RBM6: variants seen among roughly 807,000 people sequenced by gnomAD.
RBM6 encodes the protein RNA binding motif protein 6.
RBM6 carries 23 observed loss-of-function variants against 140.4 expected under a neutral mutation model. The ratio of observed to expected loss-of-function variants is 0.16; its 90% CI spans 0.12 to 0.23. The LOEUF (loss-of-function observed/expected upper bound fraction) is 0.23, where lower values mean the gene tolerates loss of function less well. RBM6 is among the 10% of genes least tolerant of loss of function. RBM6 has a pLI of 1.00. For synonymous variants in RBM6, 439 were observed against 475.6 expected, an observed-to-expected ratio of 0.92 and a Z score of 1.00; for missense variants, 1,139 against 1,386.7, an observed-to-expected ratio of 0.82 and a Z score of 2.84.
At chr3:49,954,860 A>C (rs1292833107) in intron 1 of RBM6, among the ~76,000 whole-genome samples, 1 of 148,906 alleles carries the variant, frequency 6.7e-6, no homozygotes, top group Non-Finnish European at 1.5e-5. Context: ...CCAGGTTCAC[A>C]CCATTCTCCT....
rs191422451 is a variant in RBM6, at chr3:50,017,971, T to C, written c.1557+18458T>C. On this transcript the variant is annotated intron_variant, in intron 6 of 20. Transcript: ENST00000266022. The stretch of plus-strand genomic sequence containing the variant: ...ATCCCTGCCACCCTTCTCCCAACAT[T>C]ACATACACAGCCTCCCCAACTATCA... Among the ~76,000 whole-genome samples the C allele has an allele frequency of 1.9e-3, 293 of 152,292 alleles. 3 individuals carry two copies. Among genetic ancestry groups the C allele is most frequent in the African/African-American group, 6.4e-3 (268 of 41,562 alleles).
chr3:50,004,310 C>CA (rs56655270), intron 6 of RBM6, among the ~76,000 whole-genome samples: 4 of 139,152 alleles, frequency 2.9e-5, no homozygotes, highest in South Asian at 2.3e-4. Context: ...CTCCCCTCCC[C>CA]CCCCTCCCCT....
chr3:50,039,364 C>T (rs552761275), intron 6 of RBM6, among the ~76,000 whole-genome samples: 41 of 152,194 alleles, frequency 2.7e-4, no homozygotes, highest in Admixed American at 1.0e-3. Flanking sequence ...CTCAGCCTCC[C>T]GAGTAGCTGG....
In RBM6 at chr3:50,062,112, A is replaced by G; in HGVS notation, c.2586+4A>G. ...AAAAGACAGAGGAGTGACGAGGGTA[A>G]GAGGAATTGTTAATTTGCTGTCTTT... On this transcript the variant is annotated splice_donor_region_variant and intron_variant, in intron 15 of 20. Transcript: ENST00000266022. 6.2e-7 allele frequency: 1 copy of G among 1,610,972 alleles called. No individual in the cohort carries two copies. The highest frequency in any genetic ancestry group is 8.5e-7 in the Non-Finnish European group (1 of 1,178,744).
At chr3:50,016,824 G>GTTTTTT (rs71080567) in intron 6 of RBM6, among the ~76,000 whole-genome samples, 3 of 86,052 alleles carry the variant, frequency 3.5e-5, no homozygotes, top group African/African-American at 7.6e-5. Flanking sequence ...CATGCCTAGC[G>GTTTTTT]TTTTTTTTTT....
At chr3:49,949,074 T>A (rs931289824) in intron 1 of RBM6, among the ~76,000 whole-genome samples, 1 of 151,456 alleles carries the variant, frequency 6.6e-6, no homozygotes, top group African/African-American at 2.4e-5. Context: ...TGTGATCCGC[T>A]GGCCTCAGCC....
At chr3:49,951,448 G>A (rs558603277) in intron 1 of RBM6, among the ~76,000 whole-genome samples, 2 of 151,858 alleles carry the variant, frequency 1.3e-5, no homozygotes, top group Admixed American at 6.6e-5. Flanking sequence ...GGCTGGTCTC[G>A]AACTCCTGAG....
At chr3:50,033,881 C>G (rs1277436701) in intron 6 of RBM6, among the ~76,000 whole-genome samples, 1 of 152,016 alleles carries the variant, frequency 6.6e-6, no homozygotes, top group Non-Finnish European at 1.5e-5. Flanking sequence ...ACCTCGTGAT[C>G]CCCCTGCCTT....
intron 6 of RBM6, among the ~76,000 whole-genome samples, chr3:50,031,777 T>C (rs1370339331): frequency 2.0e-5 from 3 of 152,052 alleles, no homozygotes; most frequent in Admixed American, 1.3e-4. Flanking sequence ...GTATAGTCAA[T>C]AATGACTTAA....
At chr3:50,053,379 A>G (rs2089558878) in intron 7 of RBM6, among the ~76,000 whole-genome samples, 2 of 152,082 alleles carry the variant, frequency 1.3e-5, no homozygotes, top group Admixed American at 6.6e-5. Context: ...TAAAAATACA[A>G]AATTAGCCAG....
At chr3:50,039,343 G>A (rs996959070) in intron 6 of RBM6, among the ~76,000 whole-genome samples, 3 of 152,008 alleles carry the variant, frequency 2.0e-5, no homozygotes, top group Non-Finnish European at 2.9e-5. Context: ...AGGTTCAAGC[G>A]ATGCTCCTGC....
chr3:49,961,599 G>A (rs995305682), intron 1 of RBM6, among the ~76,000 whole-genome samples: 1 of 151,644 alleles, frequency 6.6e-6, no homozygotes. Flanking sequence ...AGGAGTTCGA[G>A]ACCAGCCTGG....
intron 1 of RBM6, among the ~76,000 whole-genome samples, chr3:49,942,610 A>G (rs2083336201): frequency 6.8e-6 from 1 of 147,554 alleles, no homozygotes; most frequent in African/African-American, 2.5e-5. Flanking sequence ...CTCTGTAACC[A>G]GGGAGGGCAT....
At chr3:50,010,933 A>C (rs1575682654) in intron 6 of RBM6, among the ~76,000 whole-genome samples, 1 of 122,702 alleles carries the variant, frequency 8.1e-6, no homozygotes, top group Non-Finnish European at 1.7e-5. Context: ...AAGTTTTTTT[A>C]GGGTTCCAGC....
intron 5 of RBM6, among the ~76,000 whole-genome samples, chr3:49,987,084 T>A (rs1365864909): frequency 6.6e-6 from 1 of 151,762 alleles, no homozygotes; most frequent in South Asian, 2.1e-4. Context: ...TTTTATTATT[T>A]TTTTTTGGGA....
In RBM6 at chr3:49,974,394, T is replaced by C. The variant is rs1276739459; in HGVS notation, c.1414-929T>C. Among the ~76,000 whole-genome samples, 13 of 148,394 alleles carry C rather than the reference T, an allele frequency of 8.8e-5. No homozygotes were observed. In the South Asian group the frequency reaches 1.3e-3, roughly 15 times the overall value. On this transcript the variant is annotated intron_variant, in intron 4 of 20. Transcript: ENST00000266022. Reference sequence around the variant, plus strand: ...GCTAATTTTTTTTTTTTTTTTGAGATGGAGTCTCGCTCTGTTGCCCAGGCT... The same window carrying C: ...GCTAATTTTTTTTTTTTTTTTGAGACGGAGTCTCGCTCTGTTGCCCAGGCT...
At position 50,066,449 on chromosome 3, in the gene RBM6, T is replaced by C. The variant is rs2090125078; in HGVS notation, c.2890T>C (p.Phe964Leu). 4 of 1,613,650 alleles carry C rather than the reference T, an allele frequency of 2.5e-6. No homozygotes were observed. The highest frequency in any genetic ancestry group is 3.4e-6 in the Non-Finnish European group (4 of 1,180,034). The stretch of plus-strand genomic sequence containing the variant: ...GGCTTGTCTGCTTTGCAGAAGGCAG[T>C]TTCCCAATAAAGAAGTTCTGATCAA... Reference protein sequence around the residue: ...KLACLLCRRQFPNKEVLIKHQ... With the variant: ...KLACLLCRRQLPNKEVLIKHQ... Residue 964 changes from phenylalanine (F) to leucine (L), a missense_variant, in exon 17 of 21, where the codon TTT becomes CTT. Phe to Leu is a conservative substitution (Grantham distance 22). Around this residue, in one of 9 missense-constraint regions of RBM6, gnomAD observed 40 missense variants for 80.1 expected, o/e 0.50. Coordinates refer to ENST00000266022, the MANE Select transcript of RBM6 (RefSeq NM_005777.3).
chr3:50,001,738 G>T (rs2086338557), intron 6 of RBM6, among the ~76,000 whole-genome samples: 1 of 152,172 alleles, frequency 6.6e-6, no homozygotes, highest in Non-Finnish European at 1.5e-5. Context: ...TGTGCTTTCG[G>T]TGGATCCTAT....
intron 5 of RBM6, among the ~76,000 whole-genome samples, chr3:49,987,597 A>G (rs2085622821): frequency 6.6e-6 from 1 of 151,560 alleles, no homozygotes; most frequent in African/African-American, 2.4e-5. Context: ...GATTACGGAC[A>G]TAAGATACTG....
Sources: allele counts gnomAD v4.1 joint callset (sites outside exome capture counted in the v4.1 genomes callset), GRCh38; gene constraint gnomAD v4.1.1; regional missense constraint gnomAD v4.1.1; transcripts MANE v1.5; gene names NCBI Gene and HGNC (gene_info 2026-07-23, HGNC 2026-07-21).